FNDC3A: variants seen among roughly 807,000 people sequenced by gnomAD.
FNDC3A encodes the protein fibronectin type III domain containing 3A, also known as fibronectin type-III domain-containing protein 3A.
A neutral mutation model predicts 148.9 loss-of-function variants in FNDC3A; 32 were observed. That is an observed-to-expected ratio of 0.21 (90% CI 0.16 to 0.29). The LOEUF (loss-of-function observed/expected upper bound fraction) is 0.29, where lower values mean the gene tolerates loss of function less well. Ranked by LOEUF, FNDC3A falls within the 10% of genes least tolerant of loss-of-function variation. The pLI is 1.00. For missense variants in FNDC3A, 1,191 were observed against 1,452.8 expected (o/e 0.82, Z 2.93); for synonymous variants, 472 against 473.6 (o/e 1.00, Z 0.04).
chr13:49,176,271 G>T (rs1885027261), intron 13 of FNDC3A, among the ~76,000 whole-genome samples: 1 of 152,192 alleles, frequency 6.6e-6, no homozygotes, highest in Admixed American at 6.5e-5. Context: ...AATGGTACCA[G>T]CTCCTCTTTG....
At chr13:49,198,649 A>G in intron 23 of FNDC3A, 75 bp downstream of exon 23, 1 of 1,232,204 alleles carries the variant, frequency 8.1e-7, no homozygotes, top group Non-Finnish European at 1.2e-6. Flanking sequence ...TATTAGAAGT[A>G]GGCCAGGTGT....
intron 7 of FNDC3A, among the ~76,000 whole-genome samples, chr13:49,139,300 G>A (rs1446359306): frequency 6.6e-6 from 1 of 152,140 alleles, no homozygotes; most frequent in African/African-American, 2.4e-5. Context: ...TATAGTGAAG[G>A]GGAGAAAGAT....
At chr13:49,175,691 C>T (rs566291974) in intron 13 of FNDC3A, 150 bp downstream of exon 13, 11 of 562,894 alleles carry the variant, frequency 2.0e-5, no homozygotes, top group Non-Finnish European at 3.4e-5. Flanking sequence ...TTTGAATACG[C>T]TTTATTTCTT....
chr13:49,030,916 G>A (rs1874064366), intron 2 of FNDC3A, among the ~76,000 whole-genome samples: 1 of 152,172 alleles, frequency 6.6e-6, no homozygotes. Flanking sequence ...TATTGTTAAG[G>A]TGAAATACTG....
Position 49,198,080 on chromosome 13 carries a change from C to T in FNDC3A, c.2589C>T (p.Ser863=), listed in dbSNP as rs376708332. The T allele has an allele frequency of 6.7e-5, 108 of 1,613,906 alleles. 1 individual carries two copies. In the South Asian group the frequency reaches 7.5e-4, roughly 11 times the overall value. The part of the protein sequence containing the change: ...PGIVTCLQEI[S]DDEIENPHYS... Reference sequence around the variant, plus strand: ...TTGTGACCTGTCTTCAAGAAATAAGCGATGATGAGATAGAAAATCCCCATT... The same window carrying T: ...TTGTGACCTGTCTTCAAGAAATAAGTGATGATGAGATAGAAAATCCCCATT... The change falls in exon 22 of 26, where the codon AGC becomes AGT. Residue 863 remains serine, a synonymous_variant. Coordinates refer to ENST00000492622, the MANE Select transcript of FNDC3A (RefSeq NM_001079673.2).
At chr13:49,072,521 T>A (rs1846306907) in intron 2 of FNDC3A, among the ~76,000 whole-genome samples, 1 of 152,180 alleles carries the variant, frequency 6.6e-6, no homozygotes, top group African/African-American at 2.4e-5. Flanking sequence ...GTAGAGATCT[T>A]TCACTTCTTA....
intron 8 of FNDC3A, among the ~76,000 whole-genome samples, chr13:49,152,545 T>C (rs572323761): frequency 1.3e-5 from 2 of 152,078 alleles, no homozygotes; most frequent in African/African-American, 4.8e-5. Flanking sequence ...AGTTTTAGGG[T>C]GTATGTGCAC....
intron 2 of FNDC3A, among the ~76,000 whole-genome samples, chr13:49,068,674 C>A (rs1275094453): frequency 6.6e-6 from 1 of 152,150 alleles, no homozygotes; most frequent in Non-Finnish European, 1.5e-5. Context: ...CAGTGGCAGA[C>A]TGGATGAAGA....
At chr13:48,986,395 T>TTTTG (rs1566174592) in intron 1 of FNDC3A, among the ~76,000 whole-genome samples, 4 of 114,784 alleles carry the variant, frequency 3.5e-5, no homozygotes, top group African/African-American at 1.3e-4. Flanking sequence ...GTTTTTTTTT[T>TTTTG]TTTTTTTTTT....
At chr13:49,013,672 G>A (rs1593470244) in intron 2 of FNDC3A, among the ~76,000 whole-genome samples, 1 of 150,950 alleles carries the variant, frequency 6.6e-6, no homozygotes, top group Non-Finnish European at 1.5e-5. Flanking sequence ...ATGTACATAT[G>A]TGCCATGCTG....
intron 7 of FNDC3A, among the ~76,000 whole-genome samples, chr13:49,145,005 A>G (rs1376024123): frequency 6.6e-6 from 1 of 152,206 alleles, no homozygotes; most frequent in Non-Finnish European, 1.5e-5. Context: ...TCATTTAGGT[A>G]GTCAGTGCCC....
intron 8 of FNDC3A, among the ~76,000 whole-genome samples, chr13:49,162,474 T>C (rs934277070): frequency 1.4e-4 from 22 of 152,338 alleles, no homozygotes; most frequent in African/African-American, 5.1e-4. Flanking sequence ...ATTTAAGGTC[T>C]TCTCTATGCT....
At chr13:49,137,116 T>C (rs1983807) in intron 6 of FNDC3A, among the ~76,000 whole-genome samples, 152,267 of 152,298 alleles carry the variant, frequency 1, 76,118 homozygotes, top group Middle Eastern at 1. Flanking sequence ...CCTGAGCCAC[T>C]GTCCCCAACC....
intron 17 of FNDC3A, 35 bp downstream of exon 17, chr13:49,188,668 T>G: frequency 4.1e-6 from 6 of 1,455,584 alleles, no homozygotes; most frequent in Middle Eastern, 1.7e-4. Context: ...TGTGTTGTTA[T>G]TAAGTTTGGC....
At chr13:49,042,169 T>A (rs1593507910) in intron 2 of FNDC3A, among the ~76,000 whole-genome samples, 2 of 152,250 alleles carry the variant, frequency 1.3e-5, no homozygotes, top group East Asian at 1.9e-4. Context: ...AACTTATATA[T>A]CAATAGAAAG....
chr13:49,108,096 G>A (rs1880315946), intron 3 of FNDC3A, among the ~76,000 whole-genome samples: 1 of 152,184 alleles, frequency 6.6e-6, no homozygotes, highest in Non-Finnish European at 1.5e-5. Flanking sequence ...ATATTTCAAA[G>A]ATGAGATAGT....
chr13:49,003,861 G>A (rs567890862), intron 1 of FNDC3A, among the ~76,000 whole-genome samples: 2 of 152,038 alleles, frequency 1.3e-5, no homozygotes, highest in Non-Finnish European at 1.5e-5. Context: ...TCTACATAGA[G>A]CACTGATCCA....
chr13:49,091,884 A>G (rs1277600093), intron 3 of FNDC3A, among the ~76,000 whole-genome samples: 1 of 152,208 alleles, frequency 6.6e-6, no homozygotes, highest in East Asian at 1.9e-4. Flanking sequence ...TTATGGCTAG[A>G]TGGGTCAGAA....
intron 8 of FNDC3A, among the ~76,000 whole-genome samples, chr13:49,163,869 A>G (rs995596296): frequency 6.6e-6 from 1 of 151,914 alleles, no homozygotes; most frequent in African/African-American, 2.4e-5. Context: ...GGTTGTTTTT[A>G]TGTTCTTTGT....
Sources: allele counts gnomAD v4.1 joint callset (sites outside exome capture counted in the v4.1 genomes callset), GRCh38; gene constraint gnomAD v4.1.1; transcripts MANE v1.5; gene names NCBI Gene and HGNC (gene_info 2026-07-23, HGNC 2026-07-21).